The following RAB38 variants were observed in gnomAD, a reference collection of about 807,000 sequenced individuals.
RAB38 encodes the protein RAB38, member RAS oncogene family, also known as ras-related protein Rab-38.
Under a neutral mutation model 18.4 loss-of-function variants are expected in RAB38, and 15 were observed. The observed-to-expected ratio is 0.82, with a 90% CI of 0.55 to 1.26. The LOEUF is 1.26. RAB38 is among the 50% of genes most tolerant of loss of function. The pLI is 0.00. For synonymous variants in RAB38, 101 were observed against 104.4 expected, an observed-to-expected ratio of 0.97 and a Z score of 0.20; for missense variants, 294 against 267.4, an observed-to-expected ratio of 1.10 and a Z score of -0.69.
chr11:87,904,680 C>G, the RAB38 span, among the ~76,000 whole-genome samples: 2 of 148,298 alleles, frequency 1.3e-5, no homozygotes, highest in East Asian at 3.9e-4. Context: ...AGTGGCTGAA[C>G]TAATTTACAT....
At chr11:88,041,995 A>G in the RAB38 span, among the ~76,000 whole-genome samples, 1 of 152,146 alleles carries the variant, frequency 6.6e-6, no homozygotes, top group East Asian at 1.9e-4. Flanking sequence ...CAAAAATTAA[A>G]GCTCCCAAAA....
At chr11:88,039,990 A>C in the RAB38 span, among the ~76,000 whole-genome samples, 2 of 152,208 alleles carry the variant, frequency 1.3e-5, no homozygotes, top group African/African-American at 4.8e-5. Context: ...GCATTTGCTC[A>C]TGGCCAGATC....
chr11:87,922,571 A>T, the RAB38 span, among the ~76,000 whole-genome samples: 3 of 151,704 alleles, frequency 2.0e-5, no homozygotes, highest in African/African-American at 7.3e-5. Flanking sequence ...ACCTGAAAAA[A>T]ATATATATAA....
chr11:87,953,193 G>A, the RAB38 span, among the ~76,000 whole-genome samples: 1 of 152,154 alleles, frequency 6.6e-6, no homozygotes, highest in African/African-American at 2.4e-5. Context: ...TAAAGTCATT[G>A]TCCTTGTGGA....
chr11:87,832,339 C>A, the RAB38 span, among the ~76,000 whole-genome samples: 1 of 152,142 alleles, frequency 6.6e-6, no homozygotes, highest in Non-Finnish European at 1.5e-5. Context: ...TTAAAAAAAT[C>A]CCACTAGTTT....
the RAB38 span, among the ~76,000 whole-genome samples, chr11:88,032,926 A>T: frequency 6.6e-6 from 1 of 152,376 alleles, no homozygotes; most frequent in Admixed American, 6.5e-5. Flanking sequence ...ACACATGCAC[A>T]CATATGTTTA....
chr11:88,145,563 G>C (rs1381855882), intron 2 of RAB38, among the ~76,000 whole-genome samples: 2 of 152,106 alleles, frequency 1.3e-5, no homozygotes, highest in East Asian at 3.9e-4. Flanking sequence ...GAATGTACCA[G>C]GTAATTTGTT....
chr11:88,089,863 G>A, the RAB38 span, among the ~76,000 whole-genome samples: 1 of 151,896 alleles, frequency 6.6e-6, no homozygotes, highest in African/African-American at 2.4e-5. Context: ...CCCATTCTTC[G>A]TGGTACTGGT....
the RAB38 span, among the ~76,000 whole-genome samples, chr11:87,954,702 G>A: frequency 3.8e-4 from 58 of 152,044 alleles, no homozygotes; most frequent in Non-Finnish European, 5.9e-5. Context: ...GTATAGGCGA[G>A]CCCGGGAGCA....
At chr11:87,898,023 C>T in the RAB38 span, among the ~76,000 whole-genome samples, 1 of 151,454 alleles carries the variant, frequency 6.6e-6, no homozygotes, top group African/African-American at 2.4e-5. Context: ...GATTGGAAGT[C>T]TTTACCTTAT....
the RAB38 span, among the ~76,000 whole-genome samples, chr11:87,955,108 G>A: frequency 6.6e-6 from 1 of 152,168 alleles, no homozygotes; most frequent in South Asian, 2.1e-4. Context: ...AGTGTTCACT[G>A]GCCCATGGGT....
At chr11:88,133,954 G>A (rs532369242) in intron 2 of RAB38, among the ~76,000 whole-genome samples, 1 of 152,174 alleles carries the variant, frequency 6.6e-6, no homozygotes, top group Admixed American at 6.5e-5. Context: ...AATGCCAAGA[G>A]ATTAGTCCTG....
chr11:87,886,271 G>C, the RAB38 span, among the ~76,000 whole-genome samples: 16 of 151,964 alleles, frequency 1.1e-4, no homozygotes, highest in South Asian at 3.3e-3. Context: ...TGTTGGGTTT[G>C]ATCACCCCAA....
the RAB38 span, among the ~76,000 whole-genome samples, chr11:87,972,973 C>G: frequency 2.6e-5 from 4 of 151,898 alleles, no homozygotes; most frequent in African/African-American, 7.3e-5. Context: ...GCACCTCCCC[C>G]TTTCCTCTCT....
chr11:88,170,151 C>G (rs1943292245), intron 1 of RAB38, among the ~76,000 whole-genome samples: 1 of 152,150 alleles, frequency 6.6e-6, no homozygotes, highest in East Asian at 1.9e-4. Flanking sequence ...CCATATATCC[C>G]TCATTCCTAC....
At chr11:87,903,906 G>T in the RAB38 span, among the ~76,000 whole-genome samples, 1 of 150,884 alleles carries the variant, frequency 6.6e-6, no homozygotes, top group Admixed American at 6.6e-5. Context: ...CCTGATATTG[G>T]TATTTCATTT....
chr11:87,970,043 C>A, the RAB38 span, among the ~76,000 whole-genome samples: 1 of 151,936 alleles, frequency 6.6e-6, no homozygotes, highest in African/African-American at 2.4e-5. Flanking sequence ...ACGGCAGAAT[C>A]AAGAGATTCA....
the RAB38 span, among the ~76,000 whole-genome samples, chr11:88,094,663 A>C: frequency 3.3e-5 from 5 of 151,676 alleles, no homozygotes; most frequent in Non-Finnish European, 5.9e-5. Flanking sequence ...TAAATCACCA[A>C]CTCAAGTTGA....
chr11:87,942,384 T>A, the RAB38 span, among the ~76,000 whole-genome samples: 1 of 152,066 alleles, frequency 6.6e-6, no homozygotes, highest in African/African-American at 2.4e-5. Flanking sequence ...AACAATAACC[T>A]CCTCCCTGAT....
Sources: allele counts gnomAD v4.1 joint callset (sites outside exome capture counted in the v4.1 genomes callset), GRCh38; gene constraint gnomAD v4.1.1; transcripts MANE v1.5; gene names NCBI Gene and HGNC (gene_info 2026-07-23, HGNC 2026-07-21).